The following AGT variants were observed in gnomAD, a reference collection of about 807,000 sequenced individuals.
AGT encodes angiotensinogen.
AGT carries 26 observed loss-of-function variants against 28.1 expected under a neutral mutation model. The ratio of observed to expected loss-of-function variants is 0.92; its 90% CI spans 0.68 to 1.28. The LOEUF is 1.28. AGT is among the 50% of genes most tolerant of loss of function. AGT has a pLI of 0.00. For synonymous variants in AGT, 259 were observed against 259.6 expected, an observed-to-expected ratio of 1.00 and a Z score of 0.02; for missense variants, 596 against 592.3, an observed-to-expected ratio of 1.01 and a Z score of -0.06.
chr1:230,720,701 C>A (rs997470309), intron 1 of AGT, among the ~76,000 whole-genome samples: 2 of 152,196 alleles, frequency 1.3e-5, no homozygotes, highest in African/African-American at 4.8e-5. Context: ...CACTGTCATG[C>A]CCACCTTTGA....
At chr1:230,717,254 T>C (rs1479046503), upstream of AGT, among the ~76,000 whole-genome samples, 1 of 151,978 alleles carries the variant, frequency 6.6e-6, no homozygotes, top group Non-Finnish European at 1.5e-5. Flanking sequence ...GATCTCTCTT[T>C]CTTTTCCCTA....
upstream of AGT, among the ~76,000 whole-genome samples, chr1:230,714,693 C>T (rs1158245124): frequency 6.6e-6 from 1 of 152,178 alleles, no homozygotes; most frequent in African/African-American, 2.4e-5. Flanking sequence ...TGGAAGTTTC[C>T]AGTGTAGCTG....
rs143408644 is a variant in AGT, at chr1:230,744,453, G to T, written c.-31+1062C>A. Among the ~76,000 whole-genome samples, 566 of 152,256 alleles carry T rather than the reference G, an allele frequency of 3.7e-3. 2 individuals are homozygous for T. Among genetic ancestry groups the T allele is most frequent in the African/African-American group, 0.013 (547 of 41,548 alleles). On this transcript the variant is annotated intron_variant, in intron 1 of 4. Coordinates refer to the AGT transcript ENST00000681269. Reference sequence around the variant, plus strand: ...GAAAGATGGACCCAGGGCTCTGTGGGCAGACATTGGGCAGGAAGAATGATG... The same window carrying T: ...GAAAGATGGACCCAGGGCTCTGTGGTCAGACATTGGGCAGGAAGAATGATG...
Position 230,729,426 on chromosome 1 carries a change from A to G in AGT, c.-31+16089T>C, listed in dbSNP as rs578252707. 2.7e-4 allele frequency among the ~76,000 whole-genome samples: 41 copies of G among 152,368 alleles called. 1 individual carries two copies. In the South Asian group the frequency reaches 5.8e-3, roughly 22 times the overall value. On this transcript the variant is annotated intron_variant, in intron 1 of 4. Transcript: ENST00000681269. ...CATTTACCTTAGAAAACTTGTAATT[A>G]TAAGCACTTTCTCCTCTCTTTCAAA...
intron 1 of AGT, among the ~76,000 whole-genome samples, chr1:230,730,815 C>A (rs1401702524): frequency 6.6e-6 from 1 of 152,106 alleles, no homozygotes; most frequent in Non-Finnish European, 1.5e-5. Context: ...AAGAAAATAA[C>A]TTTTATCTGA....
At chr1:230,734,732 T>C (rs1028191564) in intron 1 of AGT, among the ~76,000 whole-genome samples, 14 of 152,014 alleles carry the variant, frequency 9.2e-5, no homozygotes, top group East Asian at 5.8e-4. Context: ...TTTTTTGAGA[T>C]GGAGTCTCGC....
chr1:230,740,073 G>A (rs1026581572), intron 1 of AGT, among the ~76,000 whole-genome samples: 2 of 152,218 alleles, frequency 1.3e-5, no homozygotes, highest in Non-Finnish European at 2.9e-5. Context: ...TACCAGGAAA[G>A]GGGCAGAGGC....
chr1:230,727,249 G>A (rs1258590898), intron 1 of AGT, among the ~76,000 whole-genome samples: 2 of 152,174 alleles, frequency 1.3e-5, no homozygotes, highest in African/African-American at 4.8e-5. Flanking sequence ...AGACATTAAT[G>A]ACCCCACTCT....
chr1:230,741,071 A>C (rs1018114975), intron 1 of AGT, among the ~76,000 whole-genome samples: 1 of 152,252 alleles, frequency 6.6e-6, no homozygotes, highest in Admixed American at 6.5e-5. Context: ...AGAAGGAGAA[A>C]GGAAATCGTC....
At chr1:230,741,762 C>A (rs1042516322) in intron 1 of AGT, among the ~76,000 whole-genome samples, 1 of 152,132 alleles carries the variant, frequency 6.6e-6, no homozygotes, top group Non-Finnish European at 1.5e-5. Context: ...ATGGGGGTGG[C>A]CCTCAGGACA....
At chr1:230,734,050 T>C (rs1664111375) in intron 1 of AGT, among the ~76,000 whole-genome samples, 7 of 152,178 alleles carry the variant, frequency 4.6e-5, no homozygotes, top group Admixed American at 4.6e-4. Flanking sequence ...CTTTTATAGA[T>C]GACCCTTTAA....
chr1:230,714,949 A>T (rs11568019), upstream of AGT, among the ~76,000 whole-genome samples: 6,244 of 152,286 alleles, frequency 0.041, 176 homozygotes, highest in Non-Finnish European at 0.063. Flanking sequence ...GCCAGTGATC[A>T]CAAGTGACGC....
At chr1:230,711,287 G>A (rs1663584554) in intron 1 of AGT, among the ~76,000 whole-genome samples, 1 of 152,152 alleles carries the variant, frequency 6.6e-6, no homozygotes, top group Non-Finnish European at 1.5e-5. Context: ...GACACAGAGG[G>A]AAGACCATGT....
Position 230,703,335 on chromosome 1 carries a change from A to G in AGT, c.1243-6T>C. On this transcript the variant is annotated splice_region_variant and splice_polypyrimidine_tract_variant and intron_variant, in intron 4 of 4. Transcript: ENST00000366667. ...AAAAAAATGCTGTTCAGCACCTGCA[A>G]AGCAGCAGACATCAGGATCATTCTG... 6.2e-7 allele frequency: 1 copy of G among 1,614,166 alleles called. No homozygotes were observed. The highest frequency in any genetic ancestry group is 8.5e-7 in the Non-Finnish European group (1 of 1,180,000).
At chr1:230,712,535 C>T (rs1161558450) in intron 1 of AGT, among the ~76,000 whole-genome samples, 2 of 152,218 alleles carry the variant, frequency 1.3e-5, no homozygotes, top group African/African-American at 4.8e-5. Flanking sequence ...CACCAGTTCA[C>T]ACCTAATCTA....
At chr1:230,704,770 C>T (rs1054367516) in intron 3 of AGT, among the ~76,000 whole-genome samples, 2 of 152,206 alleles carry the variant, frequency 1.3e-5, no homozygotes, top group East Asian at 1.9e-4. Context: ...GTGCTGGACA[C>T]GTTGCTATGT....
intron 1 of AGT, among the ~76,000 whole-genome samples, chr1:230,712,487 T>G (rs1663623032): frequency 6.6e-6 from 1 of 152,220 alleles, no homozygotes; most frequent in African/African-American, 2.4e-5. Context: ...AAACTCTCTC[T>G]GCTGCTTGCA....
At chr1:230,742,172 C>A (rs1664259418) in intron 1 of AGT, among the ~76,000 whole-genome samples, 1 of 152,134 alleles carries the variant, frequency 6.6e-6, no homozygotes, top group Admixed American at 6.5e-5. Context: ...ACTCCACCTA[C>A]CCCCAGAAAA....
At chr1:230,718,988 C>G (rs541410972), upstream of AGT, among the ~76,000 whole-genome samples, 22 of 152,292 alleles carry the variant, frequency 1.4e-4, no homozygotes, top group African/African-American at 5.1e-4. Flanking sequence ...CTCAGCCTCC[C>G]GGAGTGCTGG....
Sources: gnomAD v4.1 joint callset for allele counts (sites outside exome capture counted in the v4.1 genomes callset) on GRCh38, gnomAD v4.1.1 for gene constraint, MANE v1.5 for transcripts, NCBI Gene and HGNC (gene_info 2026-07-23, HGNC 2026-07-21) for gene names.